Variants in CLEC6A observed in about 807,000 individuals in gnomAD.
CLEC6A encodes C-type lectin domain family 6 member A.
In CLEC6A, 22 loss-of-function variants were observed where a neutral mutation model predicts 25.7. The observed-to-expected ratio is 0.85, with a 90% CI of 0.61 to 1.22. The LOEUF (loss-of-function observed/expected upper bound fraction) is 1.22. Ranked by LOEUF, CLEC6A falls within the 50% of genes most tolerant of loss-of-function variation. The pLI is 0.00. For missense variants in CLEC6A, 240 were observed against 236.8 expected, an observed-to-expected ratio of 1.01 and a Z score of -0.09; for synonymous variants, 92 against 76.7, an observed-to-expected ratio of 1.20 and a Z score of -1.04.
At chr12:8,462,172 C>A (rs4883152) in intron 3 of CLEC6A, among the ~76,000 whole-genome samples, 45 of 144,188 alleles carry the variant, frequency 3.1e-4, no homozygotes, top group Non-Finnish European at 9.2e-5. Context: ...CAGCATGCTC[C>A]TTAAGAGTCA....
chr12:8,465,608 G>A lies in CLEC6A; in HGVS notation c.348G>A (p.Val116=), dbSNP rs1436423892. 1 of 1,612,970 alleles carries A rather than the reference G, an allele frequency of 6.2e-7. No homozygotes were observed. Among genetic ancestry groups the A allele is most frequent in the Admixed American group, 1.7e-5 (1 of 59,864 alleles). ...NCVEMGAHLV[V]FNTEAEQNFI... ...TTGAGATGGGAGCACATTTGGTTGT[G>A]TTCAACACAGAAGCAGAGCAGGTAC... is the stretch of plus-strand genomic sequence containing the variant. Residue 116 remains valine, a synonymous_variant, in exon 4 of 6, where the codon GTG becomes GTA. Coordinates refer to ENST00000382073, the MANE Select transcript of CLEC6A (RefSeq NM_001007033.2).
At chr12:8,456,293 C>A in intron 1 of CLEC6A, 151 bp downstream of exon 1, 1 of 716,708 alleles carries the variant, frequency 1.4e-6, no homozygotes, top group Non-Finnish European at 2.3e-6. Flanking sequence ...AGTAATTCTT[C>A]AGAGCCAGAG....
rs1012002132 is a variant in CLEC6A at position 8,478,271 on chromosome 12, G to A, written c.*807G>A. ...GAGCCTGTAATCCATCATTTTAAAT[G>A]GCAATGATAATGACAGTTTATTTTT... is the stretch of plus-strand genomic sequence containing the variant. On this transcript the variant is annotated 3_prime_UTR_variant, in exon 6 of 6. Coordinates refer to ENST00000382073, the MANE Select transcript of CLEC6A (RefSeq NM_001007033.2). 1.3e-5 allele frequency: 2 copies of A among 151,850 alleles called. No individual in the cohort carries two copies. The highest frequency in any genetic ancestry group is 4.8e-5 in the African/African-American group (2 of 41,378). The allele number at this position is 151,850 out of a possible 1,614,324, so 9.4% of individuals were successfully genotyped here.
At chr12:8,463,268 A>G (rs1452652325) in intron 3 of CLEC6A, among the ~76,000 whole-genome samples, 3 of 152,228 alleles carry the variant, frequency 2.0e-5, no homozygotes, top group Non-Finnish European at 4.4e-5. Context: ...TTATCAGGAC[A>G]CAATATCAAA....
intron 4 of CLEC6A, among the ~76,000 whole-genome samples, chr12:8,469,609 T>G (rs1258020659): frequency 1.3e-5 from 2 of 152,058 alleles, no homozygotes; most frequent in African/African-American, 4.8e-5. Flanking sequence ...TGGAACAGAA[T>G]AGAGAACCCA....
intron 3 of CLEC6A, among the ~76,000 whole-genome samples, chr12:8,464,992 T>C (rs1000081622): frequency 1.3e-5 from 2 of 152,194 alleles, no homozygotes; most frequent in Admixed American, 6.5e-5. Flanking sequence ...GATGGAATCA[T>C]TGAGGCTCAA....
chr12:8,456,181 A>T (rs1282511653), intron 1 of CLEC6A, 39 bp downstream of exon 1: 1 of 1,601,934 alleles, frequency 6.2e-7, no homozygotes, highest in African/African-American at 1.3e-5. Flanking sequence ...GTGGAAGTGT[A>T]TGGTGAAATG....
chr12:8,473,942 A>G (rs190450879), intron 4 of CLEC6A, among the ~76,000 whole-genome samples: 2 of 151,896 alleles, frequency 1.3e-5, no homozygotes, highest in East Asian at 1.9e-4. Flanking sequence ...TGTTTGTTCA[A>G]TTGTTCAAGT....
chr12:8,468,314 G>T (rs1939863594), intron 4 of CLEC6A, among the ~76,000 whole-genome samples: 1 of 152,178 alleles, frequency 6.6e-6, no homozygotes, highest in Non-Finnish European at 1.5e-5. Context: ...GTTTAGAAAT[G>T]ATACTATTTT....
intron 4 of CLEC6A, among the ~76,000 whole-genome samples, chr12:8,475,531 G>A (rs913493038): frequency 1.3e-5 from 2 of 152,122 alleles, no homozygotes; most frequent in African/African-American, 4.8e-5. Flanking sequence ...AAATCCAGGG[G>A]AACCAATGGT....
At position 8,459,691 on chromosome 12, in the gene CLEC6A, G is replaced by T; in HGVS notation, c.216G>T (p.Lys72Asn). ...TCACCTGCTTCAGTGAAGGGACAAA[G>T]GTGCCAGGTAAATCTTTAAAATACT... Reference protein sequence around the residue: ...SSLTCFSEGTKVPAWGCCPAS... With the variant: ...SSLTCFSEGTNVPAWGCCPAS... Residue 72 changes from lysine (K) to asparagine (N), a missense_variant, in exon 3 of 6, where the codon AAG (lysine) becomes AAT (asparagine). Coordinates refer to ENST00000382073, the MANE Select transcript of CLEC6A (RefSeq NM_001007033.2). 1 of 1,605,674 alleles carries T rather than the reference G, an allele frequency of 6.2e-7. No individual in the cohort carries two copies. Among genetic ancestry groups the T allele is most frequent in the Non-Finnish European group, 8.5e-7 (1 of 1,172,320 alleles).
intron 2 of CLEC6A, 101 bp downstream of exon 2, chr12:8,458,088 G>A (rs906818398): frequency 1.7e-5 from 12 of 724,486 alleles, no homozygotes; most frequent in Non-Finnish European, 2.5e-5. Context: ...TAATACGTCA[G>A]CTCTTACTTG....
chr12:8,460,536 C>A (rs370228629), intron 3 of CLEC6A: 3 of 709,492 alleles, frequency 4.2e-6, no homozygotes, highest in East Asian at 2.6e-5. Flanking sequence ...TGGGTGGAGA[C>A]AGAGAACCAA....
rs901740261 is a variant in CLEC6A at position 8,456,019 on chromosome 12, G to T, written c.-93G>T. On this transcript the variant is annotated 5_prime_UTR_variant, in exon 1 of 6. Coordinates refer to ENST00000382073, the MANE Select transcript of CLEC6A (RefSeq NM_001007033.2). ...TGTAGCAGTTTGTCCCTGAGCTCTA[G>T]CTTCTTTAAATGAAGCTGAGTCTCT... 33 of 1,231,718 alleles carry T rather than the reference G, an allele frequency of 2.7e-5. No homozygotes were observed. The highest frequency in any genetic ancestry group is 3.6e-5 in the Non-Finnish European group (30 of 837,834). 76.3% of individuals were successfully genotyped at this position (1,231,718 alleles called of 1,614,324 possible).
intron 3 of CLEC6A, among the ~76,000 whole-genome samples, chr12:8,465,007 G>T (rs1591707630): frequency 1.3e-5 from 2 of 152,138 alleles, no homozygotes; most frequent in African/African-American, 2.4e-5. Flanking sequence ...GCTCAAGAAG[G>T]TTATGAATTT....
At chr12:8,463,246 C>A (rs953353665) in intron 3 of CLEC6A, among the ~76,000 whole-genome samples, 9 of 152,118 alleles carry the variant, frequency 5.9e-5, no homozygotes, top group African/African-American at 1.9e-4. Flanking sequence ...CATTGATTTA[C>A]TATCATAATT....
chr12:8,473,436 C>T (rs932963358), intron 4 of CLEC6A, among the ~76,000 whole-genome samples: 2 of 152,076 alleles, frequency 1.3e-5, no homozygotes, highest in African/African-American at 4.8e-5. Flanking sequence ...TATAGTATTC[C>T]ATGGTGTATA....
At chr12:8,458,868 A>G (rs748270168) in intron 2 of CLEC6A, among the ~76,000 whole-genome samples, 1 of 152,336 alleles carries the variant, frequency 6.6e-6, no homozygotes, top group African/African-American at 2.4e-5. Flanking sequence ...GACAAAAAAG[A>G]AATGAGTGAA....
intron 4 of CLEC6A, among the ~76,000 whole-genome samples, chr12:8,474,469 G>A (rs758991400): frequency 6.6e-6 from 1 of 152,288 alleles, no homozygotes; most frequent in South Asian, 2.1e-4. Context: ...TTTGGTTACT[G>A]TAGCCTTATA....
Sources: gnomAD v4.1 joint callset for allele counts (sites outside exome capture counted in the v4.1 genomes callset) on GRCh38, gnomAD v4.1.1 for gene constraint, MANE v1.5 for transcripts, NCBI Gene and HGNC (gene_info 2026-07-23, HGNC 2026-07-21) for gene names.